ZNF518A: variants seen among roughly 807,000 people sequenced by gnomAD.
ZNF518A encodes the protein zinc finger protein 518.
In ZNF518A, 47 loss-of-function variants were observed where a neutral mutation model predicts 102.7. The ratio of observed to expected loss-of-function variants is 0.46; its 90% confidence interval spans 0.36 to 0.58. The LOEUF (loss-of-function observed/expected upper bound fraction) is 0.58, where lower values mean the gene tolerates loss of function less well. Ranked by LOEUF, ZNF518A falls within the 20% of genes least tolerant of loss-of-function variation. The pLI, the probability that ZNF518A is intolerant of heterozygous loss-of-function variation, is 0.00. For synonymous variants in ZNF518A, 652 were observed against 594.6 expected (o/e 1.10, Z -1.40); for missense variants, 1,793 against 1,699.8 (o/e 1.05, Z -0.96).
chr10:96,195,011 C>T (rs587757049), intron 1 of ZNF518A, among the ~76,000 whole-genome samples: 6 of 151,910 alleles, frequency 3.9e-5, no homozygotes, highest in Non-Finnish European at 8.8e-5. Context: ...CCTCGTGATC[C>T]GCCCGTCTCG....
rs782714936 is a variant in ZNF518A at position 96,163,441 on chromosome 10, T to C, written c.*2667T>C. ...TGAATTTCTGTGTGAGGAATTTGTTTTATTTTTTCTAGTTTGTCCATCTCC... is the reference window on the plus strand; with the variant it reads ...TGAATTTCTGTGTGAGGAATTTGTTCTATTTTTTCTAGTTTGTCCATCTCC... On this transcript the variant is annotated 3_prime_UTR_variant, in exon 6 of 6. Transcript: ENST00000316045. The C allele has an allele frequency of 1.3e-5, 2 of 159,212 alleles. No homozygotes were observed. The highest frequency in any genetic ancestry group is 3.2e-5 in the Non-Finnish European group (2 of 62,992). The allele number at this position is 159,212 out of a possible 1,614,324, so 9.9% of individuals were successfully genotyped here.
At position 96,200,913 on chromosome 10, in the gene ZNF518A, C is replaced by T; in HGVS notation, n.36-2661C>T. 7.3e-7 allele frequency: 1 copy of T among 1,360,866 alleles called. No individual in the cohort carries two copies. The highest frequency in any genetic ancestry group is 1.2e-5 in the South Asian group (1 of 85,986). 84.3% of individuals were successfully genotyped at this position (1,360,866 alleles called of 1,614,324 possible). On this transcript the variant is annotated intron_variant and non_coding_transcript_variant, in intron 1 of 2. Coordinates refer to the ZNF518A transcript ENST00000442635. This position sits in a 1 kb window ranked among gnomAD's most constrained non-coding sequence, Gnocchi z 4.3. ...CAAGGTTCACTCCAAATGTCTTCTT[C>T]TCAGAAGACATGCTCTTTCCTGCAG...
chr10:96,142,626 CAGAT>C (rs1341083739), intron 3 of ZNF518A, among the ~76,000 whole-genome samples: 20 of 152,010 alleles, frequency 1.3e-4, no homozygotes, highest in Admixed American at 3.9e-4. Flanking sequence ...AGTTAAGTAG[CAGAT>C]AGATTCTTCC....
intron 1 of ZNF518A, among the ~76,000 whole-genome samples, chr10:96,198,508 A>G (rs1014289552): frequency 6.6e-6 from 1 of 152,238 alleles, no homozygotes; most frequent in Non-Finnish European, 1.5e-5. Flanking sequence ...AAGTCTGCAG[A>G]GCCACCAGAC....
rs1476397445 is a variant in ZNF518A, at chr10:96,163,136, G to T, written c.*2362G>T. ...ATAGCCATATCAGGAAAATAATGTC[G>T]AGATATGTACTTCTTGCCTTTAAGT... On this transcript the variant is annotated 3_prime_UTR_variant, in exon 6 of 6. Transcript: ENST00000316045. 1 of 166,958 alleles carries T rather than the reference G, an allele frequency of 6.0e-6. No homozygotes were observed. Among genetic ancestry groups the T allele is most frequent in the Non-Finnish European group, 1.5e-5 (1 of 68,070 alleles). The allele number at this position is 166,958 out of a possible 1,614,324, so 10.3% of individuals were successfully genotyped here.
chr10:96,181,644 A>G (rs1328888679), intron 1 of ZNF518A, among the ~76,000 whole-genome samples: 2 of 152,158 alleles, frequency 1.3e-5, no homozygotes, highest in African/African-American at 4.8e-5. Flanking sequence ...CAAAGATCAC[A>G]TGGTTGTAGA....
chr10:96,163,613 T>A lies in ZNF518A; in HGVS notation c.*2839T>A, dbSNP rs1481617519. The A allele has an allele frequency of 6.0e-6, 1 of 167,018 alleles. No individual in the cohort carries two copies. Among genetic ancestry groups the A allele is most frequent in the African/African-American group, 2.4e-5 (1 of 41,436 alleles). The allele number at this position is 167,018 out of a possible 1,614,324, so 10.3% of individuals were successfully genotyped here. Reference sequence around the variant, plus strand: ...ATATTTTCATTGGGGGGTTAGCAAATTTTTTCAATAAAGGGTCAGATAAAT... The same window carrying A: ...ATATTTTCATTGGGGGGTTAGCAAAATTTTTCAATAAAGGGTCAGATAAAT... On this transcript the variant is annotated 3_prime_UTR_variant, in exon 6 of 6. Coordinates refer to ENST00000316045, the MANE Select transcript of ZNF518A (RefSeq NM_001330736.2).
Position 96,156,257 on chromosome 10 carries a change from G to A in ZNF518A, c.-66G>A, listed in dbSNP as rs782022786. 3.5e-4 allele frequency: 524 copies of A among 1,484,174 alleles called. No homozygotes were observed. Among genetic ancestry groups the A allele is most frequent in the Admixed American group, 1.2e-3 (51 of 41,900 alleles). 91.9% of individuals were successfully genotyped at this position (1,484,174 alleles called of 1,614,324 possible). On this transcript the variant is annotated 5_prime_UTR_variant, in exon 6 of 6. Coordinates refer to ENST00000316045, the MANE Select transcript of ZNF518A (RefSeq NM_001330736.2). ...ATGTCTCTACACAGTATCGTTTCCT[G>A]TTTAAATTACAGATAACTTCAAGAG... is the stretch of plus-strand genomic sequence containing the variant.
chr10:96,161,197 A>G lies in ZNF518A; in HGVS notation c.*423A>G, dbSNP rs1343566465. ...GAGATGGAGAGCTCTTTCATCGTAG[A>G]ACTGAAGGAGTTTCTCACATTTGTG... On this transcript the variant is annotated 3_prime_UTR_variant, in exon 6 of 6. Coordinates refer to ENST00000316045, the MANE Select transcript of ZNF518A (RefSeq NM_001330736.2). 2 of 170,132 alleles carry G rather than the reference A, an allele frequency of 1.2e-5. No individual in the cohort carries two copies. The highest frequency in any genetic ancestry group is 3.8e-4 in the East Asian group (2 of 5,284). The allele number at this position is 170,132 out of a possible 1,614,324, so 10.5% of individuals were successfully genotyped here. A position where few individuals can be genotyped will look rare whatever the true frequency, so the allele number is the denominator to read the frequency against.
chr10:96,200,029 TA>T lies in ZNF518A; in HGVS notation n.36-3541del. ...ACTGCATCATCTCAAAACAAATAAA[TA>T]AAATAAAATAAAATAAAAATAATAA... On this transcript the variant is annotated intron_variant and non_coding_transcript_variant, in intron 1 of 2. Transcript: ENST00000442635. The surrounding 1 kb of genome is among the most constrained non-coding windows in gnomAD (Gnocchi z 4.3). The T allele has an allele frequency of 2.4e-6, 3 of 1,261,066 alleles. No homozygotes were observed. The highest frequency in any genetic ancestry group is 2.1e-6 in the Non-Finnish European group (2 of 970,700). 78.1% of individuals were successfully genotyped at this position (1,261,066 alleles called of 1,614,324 possible).
At chr10:96,153,412 A>G (rs587661393) in intron 3 of ZNF518A, among the ~76,000 whole-genome samples, 2 of 152,190 alleles carry the variant, frequency 1.3e-5, no homozygotes, top group East Asian at 1.9e-4. Flanking sequence ...TGATACCTAA[A>G]ATTAACCATC....
intron 1 of ZNF518A, among the ~76,000 whole-genome samples, chr10:96,202,903 A>G (rs980587973): frequency 2.0e-5 from 3 of 152,182 alleles, no homozygotes; most frequent in African/African-American, 7.2e-5. Flanking sequence ...TATTATGCCC[A>G]TTTTATAGAA....
chr10:96,159,359 A>G lies in ZNF518A; in HGVS notation c.3037A>G (p.Ile1013Val). The G allele has an allele frequency of 1.9e-6, 3 of 1,613,838 alleles. No individual in the cohort carries two copies. Among genetic ancestry groups the G allele is most frequent in the Non-Finnish European group, 2.5e-6 (3 of 1,179,774 alleles). ...TVTKEPCKTP[I>V]LKVEPNNNCL... ...GACTAAGGAGCCTTGCAAAACACCTATTTTGAAGGTAGAACCAAACAATAA... is the reference window on the plus strand; with the variant it reads ...GACTAAGGAGCCTTGCAAAACACCTGTTTTGAAGGTAGAACCAAACAATAA... Residue 1013 changes from isoleucine (I) to valine (V), a missense_variant, in exon 6 of 6, where the codon ATT becomes GTT. Ile to Val is a conservative substitution (Grantham distance 29, BLOSUM62 3). Around this residue, in one of 3 missense-constraint regions of ZNF518A, gnomAD observed 1,741 missense variants for 1,622.6 expected, o/e 1.07. Coordinates refer to ENST00000316045, the MANE Select transcript of ZNF518A (RefSeq NM_001330736.2).
chr10:96,201,400 C>T (rs1260340935), intron 1 of ZNF518A, among the ~76,000 whole-genome samples: 2 of 152,106 alleles, frequency 1.3e-5, no homozygotes, highest in African/African-American at 4.8e-5. Context: ...AAGAGATTTA[C>T]AAAATGTAAA....
chr10:96,169,531 C>A (rs587734545), intron 1 of ZNF518A, among the ~76,000 whole-genome samples: 1 of 152,194 alleles, frequency 6.6e-6, no homozygotes, highest in East Asian at 1.9e-4. Flanking sequence ...TAATTTCTAT[C>A]CCTTTATTGA....
chr10:96,194,971 G>A (rs934506402), intron 1 of ZNF518A, among the ~76,000 whole-genome samples: 3 of 151,324 alleles, frequency 2.0e-5, no homozygotes, highest in African/African-American at 7.3e-5. Flanking sequence ...GGGTTTCACC[G>A]TGTTAGCCAG....
chr10:96,137,733 A>C (rs1022175696), intron 3 of ZNF518A, among the ~76,000 whole-genome samples: 1 of 152,018 alleles, frequency 6.6e-6, no homozygotes, highest in South Asian at 2.1e-4. Flanking sequence ...CTTTTTGTTT[A>C]TTCCCCCTGG....
At chr10:96,176,650 C>T (rs1438104125) in intron 1 of ZNF518A, among the ~76,000 whole-genome samples, 1 of 152,188 alleles carries the variant, frequency 6.6e-6, no homozygotes, top group Non-Finnish European at 1.5e-5. Context: ...GTAATCCCAA[C>T]ACTGGGAAGC....
chr10:96,178,039 A>G (rs1554891678), intron 1 of ZNF518A, among the ~76,000 whole-genome samples: 1 of 152,196 alleles, frequency 6.6e-6, no homozygotes, highest in East Asian at 1.9e-4. Flanking sequence ...CTATTCCAAT[A>G]CTCCTCTCTC....
Sources: gnomAD v4.1 joint callset for allele counts (sites outside exome capture counted in the v4.1 genomes callset) on GRCh38, gnomAD v4.1.1 for gene constraint, gnomAD v4.1.1 regional missense constraint, Gnocchi (gnomAD v3.1) non-coding constraint, MANE v1.5 for transcripts, NCBI Gene and HGNC (gene_info 2026-07-23, HGNC 2026-07-21) for gene names.